Variants in KAZN observed in about 807,000 individuals in gnomAD.
The protein encoded by KAZN is kazrin.
A neutral mutation model predicts 87.4 loss-of-function variants in KAZN; 40 were observed. That is an observed-to-expected ratio of 0.46 (90% CI 0.36 to 0.60). The LOEUF (loss-of-function observed/expected upper bound fraction) is 0.60. Ranked by LOEUF, KAZN falls within the 20% of genes least tolerant of loss-of-function variation. The probability of loss-of-function intolerance (pLI) is 0.00; values close to 1 mark genes in which losing one functional copy is unlikely to be tolerated. For missense variants in KAZN, 898 were observed against 1,073.9 expected (o/e 0.84, Z 2.29); for synonymous variants, 466 against 458.3 (o/e 1.02, Z -0.22).
chr1:14,930,813 G>A (rs1441041145), intron 1 of KAZN, among the ~76,000 whole-genome samples: 4 of 140,284 alleles, frequency 2.9e-5, no homozygotes, highest in African/African-American at 3.0e-5. Context: ...TGGCACCTTC[G>A]GCTCACTGGC....
At chr1:15,057,855 G>A (rs530409882) in intron 5 of KAZN, among the ~76,000 whole-genome samples, 2 of 152,198 alleles carry the variant, frequency 1.3e-5, no homozygotes, top group Non-Finnish European at 2.9e-5. Context: ...TGAATCACGT[G>A]GGGGCAGCAG....
Position 13,976,318 on chromosome 1 carries a change from A to G in KAZN, c.91+82562A>G, listed in dbSNP as rs138387879. On this transcript the variant is annotated intron_variant, in intron 1 of 16. Coordinates refer to the KAZN transcript ENST00000636203. Reference sequence around the variant, plus strand: ...GTAATGTAACGGTTTTAATAAGTCAATCTGTCCTTTGCTGTCATAGAACCA... The same window carrying G: ...GTAATGTAACGGTTTTAATAAGTCAGTCTGTCCTTTGCTGTCATAGAACCA... Among the ~76,000 whole-genome samples, 1,206 of 152,324 alleles carry G rather than the reference A, an allele frequency of 7.9e-3. 16 individuals are homozygous for G. The highest frequency in any genetic ancestry group is 0.028 in the African/African-American group (1,159 of 41,566).
At chr1:14,808,594 G>A (rs923977307) in intron 1 of KAZN, among the ~76,000 whole-genome samples, 5 of 151,914 alleles carry the variant, frequency 3.3e-5, no homozygotes, top group African/African-American at 7.3e-5. Context: ...CACTGCACCC[G>A]GCCAAGGTTT....
intron 1 of KAZN, among the ~76,000 whole-genome samples, chr1:14,897,056 G>A (rs941262296): frequency 2.0e-5 from 3 of 152,226 alleles, no homozygotes; most frequent in East Asian, 3.8e-4. Context: ...ACTTGCAGAT[G>A]TAGGTTGACC....
intron 1 of KAZN, among the ~76,000 whole-genome samples, chr1:14,164,291 G>A (rs781539433): frequency 2.1e-4 from 32 of 152,136 alleles, no homozygotes; most frequent in Non-Finnish European, 4.1e-4. Context: ...CTAGTCTGAG[G>A]CTAGAAGATA....
rs137950026 is a variant in KAZN at position 15,095,198 on chromosome 1, G to A, written c.1547+265G>A. On this transcript the variant is annotated intron_variant, in intron 10 of 14. Transcript: ENST00000376030. ...GCCCTAGTACACCCCCAACCAATGC[G>A]GGAACCTCACGAGCCCCCCAGCACT... is the stretch of plus-strand genomic sequence containing the variant. 4.6e-3 allele frequency among the ~76,000 whole-genome samples: 695 copies of A among 152,276 alleles called. 4 individuals are homozygous for A. Among genetic ancestry groups the A allele is most frequent in the African/African-American group, 0.016 (661 of 41,562 alleles).
intron 1 of KAZN, among the ~76,000 whole-genome samples, chr1:13,977,239 G>A (rs1638408026): frequency 6.6e-6 from 1 of 152,158 alleles, no homozygotes; most frequent in South Asian, 2.1e-4. Flanking sequence ...GGTATCACAG[G>A]TACATTGGAA....
At chr1:13,941,636 C>A (rs1430324412) in intron 1 of KAZN, among the ~76,000 whole-genome samples, 1 of 152,172 alleles carries the variant, frequency 6.6e-6, no homozygotes, top group Admixed American at 6.5e-5. Context: ...CACTTTAGAA[C>A]AAGCACAGCT....
intron 1 of KAZN, chr1:14,924,175 A>G (rs1658868788): frequency 4.4e-5 from 43 of 981,242 alleles, no homozygotes; most frequent in Non-Finnish European, 5.2e-5. Flanking sequence ...CCTCGCGTGC[A>G]GCAGGCGCGG....
At chr1:14,631,616 G>A (rs185182578) in intron 1 of KAZN, among the ~76,000 whole-genome samples, 18 of 152,344 alleles carry the variant, frequency 1.2e-4, no homozygotes, top group Non-Finnish European at 1.8e-4. Flanking sequence ...GCCCCGCCAC[G>A]GTACAGCAGA....
At chr1:14,114,445 C>A (rs769977112) in intron 1 of KAZN, among the ~76,000 whole-genome samples, 2 of 152,034 alleles carry the variant, frequency 1.3e-5, no homozygotes, top group Non-Finnish European at 2.9e-5. Flanking sequence ...CTCTACTCTC[C>A]AGCCTGGAAC....
chr1:14,865,267 T>C (rs1187993044), intron 1 of KAZN, among the ~76,000 whole-genome samples: 1 of 152,170 alleles, frequency 6.6e-6, no homozygotes, highest in East Asian at 1.9e-4. Context: ...CTCCCCAGTA[T>C]GAAAATAGAT....
intron 1 of KAZN, among the ~76,000 whole-genome samples, chr1:14,115,656 G>A (rs1363000183): frequency 6.6e-6 from 1 of 152,208 alleles, no homozygotes; most frequent in African/African-American, 2.4e-5. Context: ...TACCAATGGA[G>A]TGGGATGCCA....
At chr1:15,073,070 C>T (rs1639585707) in intron 8 of KAZN, among the ~76,000 whole-genome samples, 1 of 152,204 alleles carries the variant, frequency 6.6e-6, no homozygotes, top group Non-Finnish European at 1.5e-5. Flanking sequence ...AATCAGCAGG[C>T]AGGGCTCCAG....
chr1:14,589,289 T>A (rs1444493674), intron 2 of KAZN, among the ~76,000 whole-genome samples: 1 of 148,710 alleles, frequency 6.7e-6, no homozygotes, highest in Non-Finnish European at 1.5e-5. Context: ...AAATATGATA[T>A]CGTAAATTGC....
rs138137170 is a variant in KAZN at position 14,062,524 on chromosome 1, A to C, written c.92-117911A>C. Among the ~76,000 whole-genome samples the C allele has an allele frequency of 4.2e-3, 633 of 152,258 alleles. 6 individuals carry two copies. The highest frequency in any genetic ancestry group is 0.014 in the African/African-American group (581 of 41,550). ...GCAAGACAAGTCTGAATTATTGCAA[A>C]AGGCTGTATTGGGTAATTGTTTACA... On this transcript the variant is annotated intron_variant, in intron 1 of 16. Transcript: ENST00000636203.
chr1:13,924,288 A>C (rs541312487), intron 1 of KAZN, among the ~76,000 whole-genome samples: 24 of 152,360 alleles, frequency 1.6e-4, no homozygotes, highest in African/African-American at 5.3e-4. Flanking sequence ...GTAATTAAAA[A>C]ATTTTAAATA....
chr1:15,079,217 A>G (rs1298778829), intron 8 of KAZN, among the ~76,000 whole-genome samples: 3 of 151,580 alleles, frequency 2.0e-5, no homozygotes, highest in Admixed American at 1.3e-4. Context: ...CAGTGTCCAT[A>G]GGCGCCTGTG....
chr1:15,076,515 TA>T (rs1362678974), intron 8 of KAZN, among the ~76,000 whole-genome samples: 1 of 152,096 alleles, frequency 6.6e-6, no homozygotes, highest in Non-Finnish European at 1.5e-5. Context: ...GATAAAATAG[TA>T]AATGGAGAGA....
Sources: allele counts gnomAD v4.1 joint callset (sites outside exome capture counted in the v4.1 genomes callset), GRCh38; gene constraint gnomAD v4.1.1; transcripts MANE v1.5; gene names NCBI Gene and HGNC (gene_info 2026-07-23, HGNC 2026-07-21).